Variants in BCOR observed in about 807,000 individuals in gnomAD.
BCOR encodes the protein BCL-6 corepressor.
A neutral mutation model predicts 86.7 loss-of-function variants in BCOR; 10 were observed. The observed-to-expected ratio is 0.12, with a 90% CI of 0.07 to 0.20. BCOR has a LOEUF of 0.20. BCOR is among the 10% of genes least tolerant of loss of function. The probability of loss-of-function intolerance (pLI) is 1.00; values close to 1 mark genes in which losing one functional copy is unlikely to be tolerated. For synonymous variants in BCOR, 611 were observed against 609.0 expected, an observed-to-expected ratio of 1.00 and a Z score of -0.05; for missense variants, 1,259 against 1,452.1, an observed-to-expected ratio of 0.87 and a Z score of 2.16.
chrX:40,075,484 G>A (rs774732395), intron 3 of BCOR, among the ~76,000 whole-genome samples: 15 of 111,837 alleles, frequency 1.3e-4, no homozygotes, highest in African/African-American at 4.2e-4. Flanking sequence ...TTGGCCAGGC[G>A]CGGTGGCTCA....
At chrX:40,078,607 C>T (rs914909928) in intron 1 of BCOR, among the ~76,000 whole-genome samples, 10 of 112,259 alleles carry the variant, frequency 8.9e-5, no homozygotes, top group African/African-American at 3.2e-4. Context: ...GCAGCTAACC[C>T]GGGTGGTTTT....
At chrX:40,104,604 AC>A (rs1054644369) in intron 1 of BCOR, among the ~76,000 whole-genome samples, 10 of 108,245 alleles carry the variant, frequency 9.2e-5, no homozygotes, top group African/African-American at 3.4e-4. Flanking sequence ...CCAGCTCACA[AC>A]CCCGAGGCTC....
At chrX:40,104,249 G>A (rs928622400) in intron 1 of BCOR, among the ~76,000 whole-genome samples, 6 of 111,494 alleles carry the variant, frequency 5.4e-5, no homozygotes, top group Admixed American at 1.9e-4. Flanking sequence ...AGTTATACTT[G>A]GGAGGGTCAT....
At chrX:40,103,514 GC>G (rs1937111327) in intron 1 of BCOR, among the ~76,000 whole-genome samples, 1 of 110,552 alleles carries the variant, frequency 9.0e-6, no homozygotes, top group Non-Finnish European at 1.9e-5. Flanking sequence ...GCCTGGGGAA[GC>G]CACACGACCC....
chrX:40,104,825 G>T (rs1422879919), intron 1 of BCOR, among the ~76,000 whole-genome samples: 2 of 112,608 alleles, frequency 1.8e-5, no homozygotes, highest in African/African-American at 6.4e-5. Context: ...GCGGGTATCC[G>T]CTGACAGCCG....
At chrX:40,125,543 C>G (rs1277985575) in intron 1 of BCOR, among the ~76,000 whole-genome samples, 2 of 111,306 alleles carry the variant, frequency 1.8e-5, no homozygotes, top group East Asian at 5.7e-4. Context: ...CCTCTTCAGT[C>G]TCTTCTAATC....
intron 8 of BCOR, 44 bp from the exon 9 acceptor site, chrX:40,063,115 G>C (rs755466715): frequency 1.0e-6 from 1 of 969,138 alleles, no homozygotes; most frequent in Admixed American, 2.7e-5. Context: ...GATGGGAGAC[G>C]GGAGAAGAAG....
upstream of BCOR, among the ~76,000 whole-genome samples, chrX:40,100,410 G>A: frequency 9.0e-6 from 1 of 111,710 alleles, no homozygotes; most frequent in East Asian, 2.8e-4. Context: ...CCCTCCCCTC[G>A]TCTCCCCAAC....
chrX:40,088,543 G>T (rs1936459481), intron 1 of BCOR, among the ~76,000 whole-genome samples: 1 of 111,917 alleles, frequency 8.9e-6, no homozygotes, highest in African/African-American at 3.3e-5. Context: ...TGAGAGTCAA[G>T]AACCAAGTGT....
chrX:40,065,811 A>G (rs760162699), intron 6 of BCOR, among the ~76,000 whole-genome samples: 3 of 110,595 alleles, frequency 2.7e-5, no homozygotes, highest in African/African-American at 9.9e-5. Context: ...CAATTTCTAG[A>G]TGAAATAAGC....
At position 40,064,451 on chromosome X, in the gene BCOR, G is replaced by A. The variant is rs771180631; in HGVS notation, c.3387C>T (p.Thr1129=). ...QVASDMPHSP[T]LRVDRKRKVS... is the part of the protein sequence containing the mutation. The stretch of plus-strand genomic sequence containing the variant: ...CTTTGCGTTTCCTGTCCACCCGGAG[G>A]GTGGGGCTGTGAGGCATGTCCGAGG... Residue 1129 remains threonine (T), a synonymous_variant, in exon 7 of 15, where the codon ACC becomes ACT. Transcript: ENST00000378444. 1.7e-6 allele frequency: 2 copies of A among 1,211,177 alleles called. No individual in the cohort carries two copies. The highest frequency in any genetic ancestry group is 2.2e-5 in the Admixed American group (1 of 45,999).
chrX:40,090,203 G>A lies in BCOR; in HGVS notation c.-41+7012C>T, dbSNP rs775309431. Among the ~76,000 whole-genome samples, 63 of 112,939 alleles carry A rather than the reference G, an allele frequency of 5.6e-4. No individual in the cohort carries two copies. In the Admixed American group the frequency reaches 5.7e-3, roughly 10 times the overall value. ...ACTGGTTACTCCTCCAGACGCTGAA[G>A]CTCCGGATGTGCGAAATGGCTCCGC... On this transcript the variant is annotated intron_variant, in intron 1 of 14. Coordinates refer to ENST00000378444, the MANE Select transcript of BCOR (RefSeq NM_001123385.2).
In BCOR at chrX:40,157,001, G is replaced by A. The variant is rs181726176; in HGVS notation, c.-41+20006C>T. On this transcript the variant is annotated intron_variant, in intron 1 of 14. Coordinates refer to the BCOR transcript ENST00000342274. ...TCCCTGGCCACCCGAGCTAACGCTA[G>A]GAGAGGAATTCGGTGTGCAAAAGGT... is the stretch of plus-strand genomic sequence containing the variant. 2.5e-3 allele frequency among the ~76,000 whole-genome samples: 285 copies of A among 113,751 alleles called. 1 individual carries two copies. Among genetic ancestry groups the A allele is most frequent in the Non-Finnish European group, 4.4e-3 (233 of 53,470 alleles).
intron 1 of BCOR, among the ~76,000 whole-genome samples, chrX:40,148,374 T>C (rs12850953): frequency 1.8e-5 from 2 of 111,459 alleles, no homozygotes; most frequent in African/African-American, 3.3e-5. Flanking sequence ...CCCGAGGCTG[T>C]TGGCTTTAAA....
chrX:40,143,105 C>T lies in BCOR; in HGVS notation c.-41+33902G>A, dbSNP rs1937958332. On this transcript the variant is annotated intron_variant, in intron 1 of 14. Transcript: ENST00000342274. Reference sequence around the variant, plus strand: ...ATTCTCAGCTAATGATCGCCTTAGGCGCCAAGTGATGGAAAATCCAGAAGG... The same window carrying T: ...ATTCTCAGCTAATGATCGCCTTAGGTGCCAAGTGATGGAAAATCCAGAAGG... 1.8e-5 allele frequency among the ~76,000 whole-genome samples: 2 copies of T among 112,125 alleles called. 1 individual carries two copies. The highest frequency in any genetic ancestry group is 7.3e-4 in the South Asian group (2 of 2,724).
chrX:40,156,873 C>T (rs1381074907), intron 1 of BCOR, among the ~76,000 whole-genome samples: 7 of 113,835 alleles, frequency 6.1e-5, no homozygotes, highest in Non-Finnish European at 1.3e-4. Flanking sequence ...GGAGTCGTCA[C>T]CGAACCAGCT....
At chrX:40,120,152 A>T (rs1779643536) in intron 1 of BCOR, among the ~76,000 whole-genome samples, 1 of 111,343 alleles carries the variant, frequency 9.0e-6, no homozygotes, top group Admixed American at 9.5e-5. Flanking sequence ...AGGCTTCCAG[A>T]GTGAAAGCGT....
In BCOR at chrX:40,051,971, C is replaced by T; in HGVS notation, c.*138G>A. On this transcript the variant is annotated 3_prime_UTR_variant, in exon 15 of 15. Transcript: ENST00000378444. ...AAAACATGTTTCTAAGTCCTTCTGA[C>T]TGGAGTAATTTCTCTTATATAAAGA... The T allele has an allele frequency of 3.7e-6, 2 of 539,131 alleles. No individual in the cohort carries two copies. The highest frequency in any genetic ancestry group is 5.5e-6 in the Non-Finnish European group (2 of 365,596). The allele number at this position is 539,131 out of a possible 1,213,427, so 44.4% of individuals were successfully genotyped here. A position where few individuals can be genotyped will look rare whatever the true frequency, so the allele number is the denominator to read the frequency against.
At chrX:40,125,009 G>A (rs1485005469) in intron 1 of BCOR, among the ~76,000 whole-genome samples, 1 of 106,317 alleles carries the variant, frequency 9.4e-6, no homozygotes, top group East Asian at 3.0e-4. Context: ...AGAGGATGGA[G>A]GGGTGTGTGT....
Sources: allele counts gnomAD v4.1 joint callset (sites outside exome capture counted in the v4.1 genomes callset), GRCh38; gene constraint gnomAD v4.1.1; transcripts MANE v1.5; gene names NCBI Gene and HGNC (gene_info 2026-07-23, HGNC 2026-07-21).